ZNF469: variants seen among roughly 807,000 people sequenced by gnomAD.
ZNF469 encodes the protein zinc finger protein 469.
Under a neutral mutation model 1.0 loss-of-function variants are expected in ZNF469, and 1 was observed. The ratio of observed to expected loss-of-function variants is 1.00; its 90% CI spans 0.35 to 4.73. ZNF469 has a LOEUF of 4.73. ZNF469 is among the 30% of genes most tolerant of loss of function. The pLI is 0.16. For missense variants in ZNF469, 6,100 were observed against 5,356.3 expected, an observed-to-expected ratio of 1.14 and a Z score of -4.33; for synonymous variants, 2,703 against 2,363.4, an observed-to-expected ratio of 1.14 and a Z score of -4.17.
chr16:88,119,146 TTG>T, the ZNF469 span, among the ~76,000 whole-genome samples: 1 of 152,102 alleles, frequency 6.6e-6, no homozygotes, highest in Non-Finnish European at 1.5e-5. Flanking sequence ...CCTTGAGGAG[TTG>T]TGAGCTTGAA....
the ZNF469 span, among the ~76,000 whole-genome samples, chr16:88,290,552 C>G: frequency 3.3e-4 from 51 of 152,352 alleles, no homozygotes; most frequent in African/African-American, 1.2e-3. Context: ...ATCTGAGGCT[C>G]TATTCCTTTA....
chr16:88,357,420 C>T, the ZNF469 span, among the ~76,000 whole-genome samples: 13 of 152,276 alleles, frequency 8.5e-5, no homozygotes, highest in African/African-American at 3.1e-4. Context: ...TGAAGACTTC[C>T]TAATGGACAT....
the ZNF469 span, among the ~76,000 whole-genome samples, chr16:88,120,658 C>T: frequency 5.8e-3 from 876 of 152,332 alleles, 4 homozygotes; most frequent in Non-Finnish European, 9.9e-3. Flanking sequence ...CCTGGGTCAC[C>T]GCGGCTCCCG....
rs900064286 is a variant in ZNF469 at position 88,427,501 on chromosome 16, C to T, written c.31C>T (p.Pro11Ser). Residue 11 changes from proline to serine, a missense_variant, in exon 3 of 3, where the codon CCC becomes TCC. Pro to Ser is a moderately conservative substitution (Grantham distance 74, BLOSUM62 -1). Transcript: ENST00000565624. Reference protein sequence around the residue: MPGERPRGAPPPTMTGDLQPR... With the variant: MPGERPRGAPSPTMTGDLQPR... ...TGGGGAGCGCCCCCGAGGAGCGCCG[C>T]CCCCCACCATGACTGGAGACCTGCA... The T allele has an allele frequency of 3.3e-6, 5 of 1,529,572 alleles. No individual in the cohort carries two copies. Among genetic ancestry groups the T allele is most frequent in the Non-Finnish European group, 4.4e-6 (5 of 1,142,030 alleles). The allele number at this position is 1,529,572 out of a possible 1,614,324, so 94.8% of individuals were successfully genotyped here.
chr16:88,214,021 G>A, the ZNF469 span, among the ~76,000 whole-genome samples: 1 of 152,144 alleles, frequency 6.6e-6, no homozygotes, highest in Admixed American at 6.5e-5. Context: ...ATTTTTAGAG[G>A]ATGTTTGGAA....
the ZNF469 span, among the ~76,000 whole-genome samples, chr16:88,208,956 C>T: frequency 4.0e-5 from 6 of 151,898 alleles, no homozygotes; most frequent in East Asian, 2.0e-4. Flanking sequence ...CTTATTTGCT[C>T]AGTCCTAGAA....
At chr16:88,333,920 C>CTGTG in the ZNF469 span, among the ~76,000 whole-genome samples, 36,988 of 149,216 alleles carry the variant, frequency 0.25, 4,915 homozygotes, top group Non-Finnish European at 0.31. Flanking sequence ...CTGTGTGTGT[C>CTGTG]TGTGTGTGTC....
chr16:88,280,293 ACAGT>A, the ZNF469 span, among the ~76,000 whole-genome samples: 8 of 150,420 alleles, frequency 5.3e-5, no homozygotes, highest in Non-Finnish European at 5.9e-5. Context: ...TGCCACAGTG[ACAGT>A]CAGTATCGTG....
At chr16:88,235,765 G>A in the ZNF469 span, among the ~76,000 whole-genome samples, 18,245 of 152,094 alleles carry the variant, frequency 0.12, 1,334 homozygotes, top group East Asian at 0.2. Flanking sequence ...TTCTGAGCCA[G>A]ATGTGAGGAG....
the ZNF469 span, among the ~76,000 whole-genome samples, chr16:88,172,954 C>A: frequency 6.6e-6 from 1 of 152,192 alleles, no homozygotes; most frequent in Admixed American, 6.5e-5. Flanking sequence ...AAAACAAAAA[C>A]AGGACACTGG....
chr16:88,247,448 GTGAA>G, the ZNF469 span, among the ~76,000 whole-genome samples: 9 of 148,614 alleles, frequency 6.1e-5, no homozygotes, highest in Non-Finnish European at 8.9e-5. Context: ...GAATAAGTGA[GTGAA>G]TGAGTGAATG....
chr16:88,219,598 C>T, the ZNF469 span, among the ~76,000 whole-genome samples: 40 of 149,930 alleles, frequency 2.7e-4, no homozygotes, highest in Admixed American at 7.3e-4. Flanking sequence ...CCCTTCCTTA[C>T]ACCTTATACA....
Position 88,437,279 on chromosome 16 carries a change from G to A in ZNF469, c.9809G>A (p.Arg3270Lys), listed in dbSNP as rs1330865611. ...GEAKKDSPGE[R>K]AKPRARSTPS... ...GCCAAGAAAGACAGCCCGGGCGAGA[G>A]GGCGAAACCCCGGGCACGCAGCACC... The change falls in exon 3 of 3, where the codon AGG becomes AAG. Residue 3270 changes from arginine to lysine, a missense_variant. By Grantham distance (26) the Arg-to-Lys change is conservative. Transcript: ENST00000565624. 3 of 1,548,176 alleles carry A rather than the reference G, an allele frequency of 1.9e-6. No homozygotes were observed. Among genetic ancestry groups the A allele is most frequent in the Non-Finnish European group, 2.6e-6 (3 of 1,145,732 alleles).
chr16:88,124,868 G>A, the ZNF469 span, among the ~76,000 whole-genome samples: 17 of 152,380 alleles, frequency 1.1e-4, no homozygotes, highest in East Asian at 3.3e-3. Flanking sequence ...ACAGGCGTGA[G>A]CCACTGCGCC....
At chr16:88,289,122 G>A in the ZNF469 span, among the ~76,000 whole-genome samples, 2 of 152,118 alleles carry the variant, frequency 1.3e-5, no homozygotes, top group South Asian at 4.2e-4. Flanking sequence ...TAACAGTGAT[G>A]GTGATGACGG....
the ZNF469 span, among the ~76,000 whole-genome samples, chr16:88,240,881 A>G: frequency 6.6e-6 from 1 of 151,952 alleles, no homozygotes; most frequent in Non-Finnish European, 1.5e-5. Context: ...CCCAGCCTGC[A>G]CCGCCAGCCC....
chr16:88,396,559 GGGAGGCCAGA>G (rs2142269112), intron 1 of ZNF469, among the ~76,000 whole-genome samples: 3 of 151,108 alleles, frequency 2.0e-5, no homozygotes, highest in East Asian at 2.0e-4. Context: ...CCCTCCTGAA[GGGAGGCCAGA>G]TGGAGACCCT....
chr16:88,376,479 C>A, the ZNF469 span, among the ~76,000 whole-genome samples: 1 of 152,148 alleles, frequency 6.6e-6, no homozygotes, highest in African/African-American at 2.4e-5. Flanking sequence ...TTCCTTGGGC[C>A]CAGCCCGGGT....
the ZNF469 span, among the ~76,000 whole-genome samples, chr16:88,330,716 C>T: frequency 3.3e-5 from 5 of 152,286 alleles, no homozygotes; most frequent in Middle Eastern, 3.4e-3. Context: ...GTTTTCTCTC[C>T]TGGCCCTCCC....
Sources: allele counts gnomAD v4.1 joint callset (sites outside exome capture counted in the v4.1 genomes callset), GRCh38; gene constraint gnomAD v4.1.1; transcripts MANE v1.5; gene names NCBI Gene and HGNC (gene_info 2026-07-23, HGNC 2026-07-21).